The following KMO variants were observed in gnomAD, a reference collection of about 807,000 sequenced individuals.
KMO encodes kynurenine 3-monooxygenase, also known as kynurenine 3-hydroxylase.
In KMO, 24 loss-of-function variants were observed where a neutral mutation model predicts 57.8. That is an observed-to-expected ratio of 0.42 (90% CI 0.30 to 0.58). The LOEUF is 0.58. KMO is among the 20% of genes least tolerant of loss of function. The probability of loss-of-function intolerance (pLI) is 0.22; values close to 1 mark genes in which losing one functional copy is unlikely to be tolerated. For synonymous variants in KMO, 210 were observed against 193.6 expected (o/e 1.08, Z -0.70); for missense variants, 483 against 588.2 (o/e 0.82, Z 1.85).
At chr1:241,577,563 G>T (rs1461313384) in intron 10 of KMO, among the ~76,000 whole-genome samples, 1 of 152,106 alleles carries the variant, frequency 6.6e-6, no homozygotes, top group Non-Finnish European at 1.5e-5. Flanking sequence ...TCAGATGCTG[G>T]TTGTAGTAGC....
In KMO at chr1:241,594,882, A is replaced by T. The variant is rs766201212; in HGVS notation, c.*2729A>T. The T allele has an allele frequency of 2.8e-4, 171 of 605,920 alleles. No homozygotes were observed. Among genetic ancestry groups the T allele is most frequent in the Non-Finnish European group, 4.6e-4 (161 of 351,104 alleles). The allele number at this position is 605,920 out of a possible 1,614,324, so 37.5% of individuals were successfully genotyped here. Reference sequence around the variant, plus strand: ...AGCTTTATGTCTTTTATTCATTCTAATTCTTATTAACCGGAATATGTAGGA... The same window carrying T: ...AGCTTTATGTCTTTTATTCATTCTATTTCTTATTAACCGGAATATGTAGGA... On this transcript the variant is annotated 3_prime_UTR_variant, in exon 15 of 15. Coordinates refer to ENST00000366559, the MANE Select transcript of KMO (RefSeq NM_003679.5).
Position 241,594,042 on chromosome 1 carries a change from A to G in KMO, c.*1889A>G, listed in dbSNP as rs1663417551. The G allele has an allele frequency of 9.9e-6, 2 of 201,164 alleles. No homozygotes were observed. Among genetic ancestry groups the G allele is most frequent in the South Asian group, 2.0e-4 (2 of 10,054 alleles). 12.5% of individuals were successfully genotyped at this position (201,164 alleles called of 1,614,324 possible). On this transcript the variant is annotated 3_prime_UTR_variant, in exon 15 of 15. Transcript: ENST00000366559. ...GTACAAAAAAAATTCAGTATGTTCT[A>G]GCTACTTCACACATGTGTACGCGAC...
intron 10 of KMO, among the ~76,000 whole-genome samples, chr1:241,583,872 T>G (rs1252892664): frequency 1.3e-5 from 2 of 152,174 alleles, no homozygotes. Context: ...CTATCAGCAA[T>G]TCAAGACTTA....
chr1:241,543,855 G>A (rs936811391), intron 1 of KMO, among the ~76,000 whole-genome samples: 2 of 152,130 alleles, frequency 1.3e-5, no homozygotes. Flanking sequence ...ACACGTAAGC[G>A]TTGGAAAGGT....
rs998758109 is a variant in KMO, at chr1:241,550,969, T to C, written c.237T>C (p.Gly79=). ...TTTCATTTCAGATTGTATCCCAAGG[T>C]ATTCCCATGAGAGCAAGAATGATCC... ...VGLEDQIVSQ[G]IPMRARMIHS... Residue 79 remains glycine, a synonymous_variant, in exon 4 of 15, where the codon GGT becomes GGC. Coordinates refer to ENST00000366559, the MANE Select transcript of KMO (RefSeq NM_003679.5). 2.0e-6 allele frequency: 3 copies of C among 1,530,200 alleles called. No homozygotes were observed. The highest frequency in any genetic ancestry group is 2.2e-5 in the Admixed American group (1 of 44,792). 94.8% of individuals were successfully genotyped at this position (1,530,200 alleles called of 1,614,324 possible).
chr1:241,593,149 A>G lies in KMO; in HGVS notation c.*996A>G. On this transcript the variant is annotated 3_prime_UTR_variant, in exon 15 of 15. Coordinates refer to ENST00000366559, the MANE Select transcript of KMO (RefSeq NM_003679.5). ...TGAAGGACAGGAAAGGGTTTTATTC[A>G]TAAATTAAATGTCTACATGTGCCAG... is the stretch of plus-strand genomic sequence containing the variant. 1 of 234,160 alleles carries G rather than the reference A, an allele frequency of 4.3e-6. No individual in the cohort carries two copies. The allele number at this position is 234,160 out of a possible 1,614,324, so 14.5% of individuals were successfully genotyped here. A position where few individuals can be genotyped will look rare whatever the true frequency, so the allele number is the denominator to read the frequency against.
chr1:241,550,488 C>T (rs1661355209), intron 3 of KMO, among the ~76,000 whole-genome samples: 1 of 152,208 alleles, frequency 6.6e-6, no homozygotes, highest in Admixed American at 6.5e-5. Flanking sequence ...TTTCTTGATA[C>T]TACTTTCAGT....
At chr1:241,559,836 C>T (rs183744679) in intron 5 of KMO, among the ~76,000 whole-genome samples, 1 of 152,078 alleles carries the variant, frequency 6.6e-6, no homozygotes, top group Non-Finnish European at 1.5e-5. Flanking sequence ...TGTGTGATCT[C>T]AGGCATTTTA....
intron 1 of KMO, among the ~76,000 whole-genome samples, chr1:241,540,087 C>A (rs1251208631): frequency 1.3e-5 from 2 of 151,992 alleles, no homozygotes; most frequent in Non-Finnish European, 2.9e-5. Flanking sequence ...AAATATACAA[C>A]CTGTTACCAT....
chr1:241,545,644 A>T (rs1410849428), intron 1 of KMO, among the ~76,000 whole-genome samples: 1 of 152,192 alleles, frequency 6.6e-6, no homozygotes, highest in African/African-American at 2.4e-5. Flanking sequence ...TCTCCAAATA[A>T]TGTCACATTC....
chr1:241,566,862 T>C (rs1174521931), intron 9 of KMO, among the ~76,000 whole-genome samples: 2 of 152,212 alleles, frequency 1.3e-5, no homozygotes, highest in Non-Finnish European at 2.9e-5. Context: ...GGGCATCTTA[T>C]GCAGGCTCCT....
At position 241,562,049 on chromosome 1, in the gene KMO, A is replaced by C. The variant is rs1188601103; in HGVS notation, c.450-118A>C. ...ATTAACTCAAAGCTCCAAGTCAAACATGTGAAAGTGAGCTTTCTAAGTTAT... is the reference window on the plus strand; with the variant it reads ...ATTAACTCAAAGCTCCAAGTCAAACCTGTGAAAGTGAGCTTTCTAAGTTAT... On this transcript the variant is annotated intron_variant, in intron 6 of 14. Coordinates refer to ENST00000366559, the MANE Select transcript of KMO (RefSeq NM_003679.5). 5 of 755,810 alleles carry C rather than the reference A, an allele frequency of 6.6e-6. No individual in the cohort carries two copies. The East Asian group carries it at 1.3e-4, about 20-fold the overall frequency. The allele number at this position is 755,810 out of a possible 1,614,324, so 46.8% of individuals were successfully genotyped here. A position where few individuals can be genotyped will look rare whatever the true frequency, so the allele number is the denominator to read the frequency against.
Position 241,532,639 on chromosome 1 carries a change from T to A in KMO, c.54+141T>A, listed in dbSNP as rs1002715259. 3 of 596,442 alleles carry A rather than the reference T, an allele frequency of 5.0e-6. No individual in the cohort carries two copies. The African/African-American group carries it at 5.9e-5, about 12-fold the overall frequency. The allele number at this position is 596,442 out of a possible 1,614,324, so 36.9% of individuals were successfully genotyped here. A position where few individuals can be genotyped will look rare whatever the true frequency, so the allele number is the denominator to read the frequency against. On this transcript the variant is annotated intron_variant, in intron 1 of 14. Transcript: ENST00000366559. The stretch of plus-strand genomic sequence containing the variant: ...TATTTAAATACAGCTATTTTGTTTA[T>A]TTTTTTAATATTTTTATTTTCATAG...
rs950975869 is a variant in KMO at position 241,593,545 on chromosome 1, T to A, written c.*1392T>A. ...CAGTTTGTAGGGAAAGAAAAAATAA[T>A]TTTTCCTTCTACCCACTTTAGGTTC... is the stretch of plus-strand genomic sequence containing the variant. On this transcript the variant is annotated 3_prime_UTR_variant, in exon 15 of 15. Coordinates refer to ENST00000366559, the MANE Select transcript of KMO (RefSeq NM_003679.5). 1.2e-5 allele frequency: 3 copies of A among 249,516 alleles called. No individual in the cohort carries two copies. Among genetic ancestry groups the A allele is most frequent in the African/African-American group, 6.6e-5 (3 of 45,738 alleles). 15.5% of individuals were successfully genotyped at this position (249,516 alleles called of 1,614,324 possible).
At position 241,593,688 on chromosome 1, in the gene KMO, G is replaced by C. The variant is rs1663400772; in HGVS notation, c.*1535G>C. 1 of 166,244 alleles carries C rather than the reference G, an allele frequency of 6.0e-6. No individual in the cohort carries two copies. The highest frequency in any genetic ancestry group is 1.6e-4 in the East Asian group (1 of 6,360). 10.3% of individuals were successfully genotyped at this position (166,244 alleles called of 1,614,324 possible). A position where few individuals can be genotyped will look rare whatever the true frequency, so the allele number is the denominator to read the frequency against. ...TACAGGGGAATGAGCAAATCTCAAA[G>C]AGCTGGCGTCTTAGAACTCCCTGGC... On this transcript the variant is annotated 3_prime_UTR_variant, in exon 15 of 15. Coordinates refer to ENST00000366559, the MANE Select transcript of KMO (RefSeq NM_003679.5).
At chr1:241,568,431 C>A in intron 9 of KMO, 69 bp from the exon 10 acceptor site, 1 of 1,454,152 alleles carries the variant, frequency 6.9e-7, no homozygotes, top group East Asian at 2.3e-5. Flanking sequence ...ATTTAGTAAA[C>A]CTGAAAGAAT....
chr1:241,571,794 T>C (rs1227181288), intron 10 of KMO, among the ~76,000 whole-genome samples: 2 of 151,880 alleles, frequency 1.3e-5, no homozygotes, highest in East Asian at 1.9e-4. Context: ...AAGGCTGGCC[T>C]CTTAGAATTA....
intron 1 of KMO, among the ~76,000 whole-genome samples, chr1:241,533,061 G>A (rs68147305): frequency 0.06 from 9,172 of 152,242 alleles, 414 homozygotes; most frequent in East Asian, 0.14. Flanking sequence ...GTGGAGTGAG[G>A]TGTTCACCTC....
chr1:241,561,166 G>A (rs1291358310), intron 6 of KMO, among the ~76,000 whole-genome samples: 1 of 152,044 alleles, frequency 6.6e-6, no homozygotes, highest in Non-Finnish European at 1.5e-5. Flanking sequence ...ATGGATCCAC[G>A]CTCATGGGTT....
Sources: gnomAD v4.1 joint callset for allele counts (sites outside exome capture counted in the v4.1 genomes callset) on GRCh38, gnomAD v4.1.1 for gene constraint, MANE v1.5 for transcripts, NCBI Gene and HGNC (gene_info 2026-07-23, HGNC 2026-07-21) for gene names.